CAMKMT: variants seen among roughly 807,000 people sequenced by gnomAD.
The protein encoded by CAMKMT is calmodulin-lysine N-methyltransferase.
CAMKMT carries 53 observed loss-of-function variants against 48.0 expected under a neutral mutation model. That is an observed-to-expected ratio of 1.10 (90% CI 0.89 to 1.39). The LOEUF (loss-of-function observed/expected upper bound fraction) is 1.39, where lower values mean the gene tolerates loss of function less well. Ranked by LOEUF, CAMKMT falls within the 40% of genes most tolerant of loss-of-function variation. The pLI is 0.00. For missense variants in CAMKMT, 428 were observed against 402.7 expected, an observed-to-expected ratio of 1.06 and a Z score of -0.54; for synonymous variants, 165 against 152.3, an observed-to-expected ratio of 1.08 and a Z score of -0.61.
chr2:44,389,173 G>A (rs1359927513), intron 2 of CAMKMT, among the ~76,000 whole-genome samples: 1 of 152,042 alleles, frequency 6.6e-6, no homozygotes, highest in East Asian at 1.9e-4. Flanking sequence ...CCTTGGGTGG[G>A]TCTTGCTGTA....
chr2:44,439,432 C>T lies in CAMKMT; in HGVS notation c.376+49127C>T, dbSNP rs1013270147. On this transcript the variant is annotated intron_variant, in intron 3 of 10. Transcript: ENST00000378494. ...CCCATTTCCAATCTAGTTGTTGTTC[C>T]ACTTCCCTGCCACCCACCTCCTCTT... Among the ~76,000 whole-genome samples, 98 of 152,218 alleles carry T rather than the reference C, an allele frequency of 6.4e-4. 1 individual carries two copies. The highest frequency in any genetic ancestry group is 2.3e-3 in the African/African-American group (97 of 41,538).
Position 44,700,590 on chromosome 2 carries a change from G to T in CAMKMT, c.377-3693G>T, listed in dbSNP as rs185366657. 2.5e-3 allele frequency among the ~76,000 whole-genome samples: 383 copies of T among 152,254 alleles called. 11 individuals are homozygous for T. Among genetic ancestry groups the T allele is most frequent in the Admixed American group, 0.022 (338 of 15,280 alleles). On this transcript the variant is annotated intron_variant, in intron 3 of 10. Coordinates refer to ENST00000378494, the MANE Select transcript of CAMKMT (RefSeq NM_024766.5). ...GAGAGAGATGGGGGAATGCCGACTG[G>T]TGGAGAAGTCAGAACACACACAAGA...
At chr2:44,376,452 G>T (rs1338513791) in intron 2 of CAMKMT, among the ~76,000 whole-genome samples, 1 of 150,804 alleles carries the variant, frequency 6.6e-6, no homozygotes, top group African/African-American at 2.4e-5. Flanking sequence ...CACTGGGGAT[G>T]TTACAAGTTC....
At chr2:44,628,569 C>T (rs1341291431) in intron 3 of CAMKMT, among the ~76,000 whole-genome samples, 2 of 148,602 alleles carry the variant, frequency 1.3e-5, no homozygotes, top group Non-Finnish European at 3.0e-5. Context: ...TTTTTAGATA[C>T]AAGGTCTCAC....
At chr2:44,386,511 C>T (rs1167363352) in intron 2 of CAMKMT, among the ~76,000 whole-genome samples, 6 of 151,962 alleles carry the variant, frequency 3.9e-5, no homozygotes, top group Non-Finnish European at 8.8e-5. Context: ...GTTTCAATTT[C>T]ATTTAGTTCT....
At chr2:44,492,541 A>T (rs2104716817) in intron 3 of CAMKMT, among the ~76,000 whole-genome samples, 1 of 152,320 alleles carries the variant, frequency 6.6e-6, no homozygotes, top group South Asian at 2.1e-4. Flanking sequence ...TTTGCATCTG[A>T]GAGTGCGTTT....
At chr2:44,439,164 G>A (rs1203229177) in intron 3 of CAMKMT, among the ~76,000 whole-genome samples, 1 of 151,816 alleles carries the variant, frequency 6.6e-6, no homozygotes, top group Non-Finnish European at 1.5e-5. Flanking sequence ...ACTGTCTTTT[G>A]GAACCCAAAT....
At position 44,524,965 on chromosome 2, in the gene CAMKMT, T is replaced by TTA. The variant is rs759909211; in HGVS notation, c.376+134660_376+134661insTA. Among the ~76,000 whole-genome samples, 80 of 98,310 alleles carry TTA rather than the reference T, an allele frequency of 8.1e-4. 1 individual carries two copies. In the Middle Eastern group the frequency reaches 0.03, roughly 37 times the overall value. 64.5% of individuals were successfully genotyped at this position (98,310 alleles called of 152,430 possible). The stretch of plus-strand genomic sequence containing the variant: ...AGCCTCTCCATAAGTGCAAATTTCA[T>TTA]AAAAAAAAAAAAAAAACTTAGCTTG... On this transcript the variant is annotated intron_variant, in intron 3 of 10. Coordinates refer to ENST00000378494, the MANE Select transcript of CAMKMT (RefSeq NM_024766.5).
At chr2:44,472,216 G>A (rs1186623750) in intron 3 of CAMKMT, among the ~76,000 whole-genome samples, 1 of 152,030 alleles carries the variant, frequency 6.6e-6, no homozygotes, top group African/African-American at 2.4e-5. Context: ...GACTACAGGT[G>A]CCCGCCACCA....
intron 3 of CAMKMT, among the ~76,000 whole-genome samples, chr2:44,451,404 T>C (rs1667280566): frequency 6.6e-6 from 1 of 151,984 alleles, no homozygotes; most frequent in Non-Finnish European, 1.5e-5. Context: ...TTTTTGTTTT[T>C]TTGGAGGATC....
At chr2:44,616,131 C>G (rs571567510) in intron 3 of CAMKMT, among the ~76,000 whole-genome samples, 3 of 152,172 alleles carry the variant, frequency 2.0e-5, no homozygotes, top group Non-Finnish European at 2.9e-5. Context: ...ACTCTGCTCC[C>G]TTCTGTCCTA....
intron 3 of CAMKMT, among the ~76,000 whole-genome samples, chr2:44,543,476 G>T (rs1192830397): frequency 6.6e-6 from 1 of 152,146 alleles, no homozygotes; most frequent in Admixed American, 6.5e-5. Context: ...GAAGGAGGAA[G>T]AATGAGCCCC....
intron 3 of CAMKMT, chr2:44,631,406 TAGTA>T (rs1672818715): frequency 7.7e-6 from 4 of 518,030 alleles, no homozygotes; most frequent in Non-Finnish European, 1.3e-5. Context: ...ATAATAATAA[TAGTA>T]ATAATAATAA....
intron 3 of CAMKMT, among the ~76,000 whole-genome samples, chr2:44,596,145 A>G (rs1670642282): frequency 1.3e-5 from 2 of 151,558 alleles, no homozygotes; most frequent in Admixed American, 1.3e-4. Context: ...AAAAAAAAAA[A>G]GAAAGAAAAA....
At chr2:44,727,948 G>A (rs1678878172) in intron 7 of CAMKMT, among the ~76,000 whole-genome samples, 1 of 152,074 alleles carries the variant, frequency 6.6e-6, no homozygotes, top group African/African-American at 2.4e-5. Flanking sequence ...TTAGAGACAG[G>A]GTTTTACTCT....
chr2:44,497,709 A>AGAGAGAG lies in CAMKMT; in HGVS notation c.376+107404_376+107405insGAGAGAG, dbSNP rs1558657751. Among the ~76,000 whole-genome samples, 1,034 of 138,974 alleles carry AGAGAGAG rather than the reference A, an allele frequency of 7.4e-3. 16 individuals carry two copies. Among genetic ancestry groups the AGAGAGAG allele is most frequent in the African/African-American group, 0.025 (947 of 37,418 alleles). The allele number at this position is 138,974 out of a possible 152,430, so 91.2% of individuals were successfully genotyped here. A position where few individuals can be genotyped will look rare whatever the true frequency, so the allele number is the denominator to read the frequency against. ...GTAATTTAAAAAAATTAAGCAGGCAAAGAGAGAGAGAGAGAGAGAGAGAGA... is the reference window on the plus strand; with the variant it reads ...GTAATTTAAAAAAATTAAGCAGGCAAGAGAGAGAGAGAGAGAGAGAGAGAGAGAGAGA... On this transcript the variant is annotated intron_variant, in intron 3 of 10. Coordinates refer to ENST00000378494, the MANE Select transcript of CAMKMT (RefSeq NM_024766.5).
chr2:44,749,529 C>G (rs555346342), intron 8 of CAMKMT, among the ~76,000 whole-genome samples: 54 of 152,342 alleles, frequency 3.5e-4, no homozygotes, highest in South Asian at 8.3e-4. Flanking sequence ...GGAACTTTGT[C>G]TTATTCATAG....
intron 3 of CAMKMT, among the ~76,000 whole-genome samples, chr2:44,669,928 G>C (rs1426275304): frequency 6.6e-6 from 1 of 152,162 alleles, no homozygotes; most frequent in Non-Finnish European, 1.5e-5. Flanking sequence ...GTGAGTCCCT[G>C]TGCCTGGCTC....
At chr2:44,649,894 T>C (rs558350854) in intron 3 of CAMKMT, among the ~76,000 whole-genome samples, 1 of 152,324 alleles carries the variant, frequency 6.6e-6, no homozygotes, top group South Asian at 2.1e-4. Context: ...CTTCCACTTA[T>C]GTCTCATTAG....
Sources: gnomAD v4.1 joint callset for allele counts (sites outside exome capture counted in the v4.1 genomes callset) on GRCh38, gnomAD v4.1.1 for gene constraint, MANE v1.5 for transcripts, NCBI Gene and HGNC (gene_info 2026-07-23, HGNC 2026-07-21) for gene names.